BMPR2: variants seen among roughly 807,000 people sequenced by gnomAD.
The protein encoded by BMPR2 is bone morphogenetic protein receptor type-2.
Under a neutral mutation model 100.8 loss-of-function variants are expected in BMPR2, and 29 were observed. The observed-to-expected ratio is 0.29, with a 90% CI of 0.21 to 0.39. BMPR2 has a LOEUF of 0.39. Ranked by LOEUF, BMPR2 falls within the 10% of genes least tolerant of loss-of-function variation. The pLI is 1.00. For missense variants in BMPR2, 1,011 were observed against 1,274.5 expected (o/e 0.79, Z 3.15); for synonymous variants, 382 against 442.3 (o/e 0.86, Z 1.71).
chr2:202,529,793 A>T (rs1687984130), intron 7 of BMPR2, among the ~76,000 whole-genome samples: 1 of 152,176 alleles, frequency 6.6e-6, no homozygotes, highest in East Asian at 1.9e-4. Flanking sequence ...AATGAGCGTA[A>T]TACATCTGAA....
intron 1 of BMPR2, among the ~76,000 whole-genome samples, chr2:202,441,846 A>C (rs964017835): frequency 2.7e-5 from 4 of 150,234 alleles, no homozygotes; most frequent in South Asian, 2.1e-4. Flanking sequence ...CAGTCTGGCC[A>C]ACATGGTGAA....
At chr2:202,482,951 C>T (rs995747851) in intron 3 of BMPR2, among the ~76,000 whole-genome samples, 28 of 152,144 alleles carry the variant, frequency 1.8e-4, no homozygotes, top group African/African-American at 5.1e-4. Context: ...TCCCAAAGTG[C>T]GGCGTGAACC....
chr2:202,419,771 T>G (rs1340304708), intron 1 of BMPR2, among the ~76,000 whole-genome samples: 1 of 152,176 alleles, frequency 6.6e-6, no homozygotes, highest in Non-Finnish European at 1.5e-5. Flanking sequence ...GAAAACAGCG[T>G]CTTGTTGATT....
chr2:202,434,919 ATATATATATATATATATTTATTTATT>A (rs1022233357), intron 1 of BMPR2, among the ~76,000 whole-genome samples: 2 of 114,728 alleles, frequency 1.7e-5, no homozygotes, highest in African/African-American at 6.9e-5. Flanking sequence ...ATATATATAT[ATATATATATATATATATTTATTTATT>A]TATTTACGTC....
chr2:202,411,674 AT>A (rs1042342651), intron 1 of BMPR2, among the ~76,000 whole-genome samples: 16 of 152,128 alleles, frequency 1.1e-4, no homozygotes, highest in Non-Finnish European at 1.6e-4. Context: ...CTATACGTTT[AT>A]TTAACACGTC....
rs1180466902 is a variant in BMPR2, at chr2:202,376,712, C to G, written c.-763C>G. 6.6e-6 allele frequency among the ~76,000 whole-genome samples: 1 copy of G among 150,570 alleles called. No homozygotes were observed. The highest frequency in any genetic ancestry group is 2.2e-4 in the South Asian group (1 of 4,628). On this transcript the variant is annotated 5_prime_UTR_variant, in exon 1 of 13. Coordinates refer to ENST00000374580, the MANE Select transcript of BMPR2 (RefSeq NM_001204.7). ...CCGGGAGGACTAGAAGGGGCAGCCTCTCACACCCACTCCGCCTGCCGTCTC... is the reference window on the plus strand; with the variant it reads ...CCGGGAGGACTAGAAGGGGCAGCCTGTCACACCCACTCCGCCTGCCGTCTC...
At position 202,560,091 on chromosome 2, in the gene BMPR2, C is replaced by A; in HGVS notation, c.*145C>A. On this transcript the variant is annotated 3_prime_UTR_variant, in exon 13 of 13. Transcript: ENST00000374580. ...ACAAAGACTTGCTTTAAATAGATTTCAGCTATGCAGAAAAATTTAGCTTAT... is the reference window on the plus strand; with the variant it reads ...ACAAAGACTTGCTTTAAATAGATTTAAGCTATGCAGAAAAATTTAGCTTAT... 9.5e-7 allele frequency: 1 copy of A among 1,047,852 alleles called. No individual in the cohort carries two copies. The highest frequency in any genetic ancestry group is 1.4e-6 in the Non-Finnish European group (1 of 739,032). The allele number at this position is 1,047,852 out of a possible 1,614,324, so 64.9% of individuals were successfully genotyped here.
Position 202,560,138 on chromosome 2 carries a change from G to A in BMPR2, c.*192G>A. On this transcript the variant is annotated 3_prime_UTR_variant, in exon 13 of 13. Transcript: ENST00000374580. ...TTATGCTTCCATATTTTTAAATTTT[G>A]TTTTTTAAGTTTTGCACTTTTGTTT... 1.4e-6 allele frequency: 1 copy of A among 716,078 alleles called. No individual in the cohort carries two copies. The highest frequency in any genetic ancestry group is 2.2e-6 in the Non-Finnish European group (1 of 450,902). The allele number at this position is 716,078 out of a possible 1,614,324, so 44.4% of individuals were successfully genotyped here.
intron 3 of BMPR2, among the ~76,000 whole-genome samples, chr2:202,492,903 T>C (rs561230733): frequency 2.0e-5 from 3 of 152,218 alleles, no homozygotes; most frequent in Non-Finnish European, 2.9e-5. Flanking sequence ...TAAAATAACA[T>C]AAAATGAATT....
intron 3 of BMPR2, among the ~76,000 whole-genome samples, chr2:202,468,039 C>T (rs753296066): frequency 8.6e-5 from 13 of 151,462 alleles, no homozygotes; most frequent in Non-Finnish European, 1.3e-4. Context: ...AAGAGTGAAC[C>T]TAAAAGAAAA....
intron 7 of BMPR2, among the ~76,000 whole-genome samples, chr2:202,522,204 G>A (rs1687829738): frequency 6.6e-6 from 1 of 151,516 alleles, no homozygotes; most frequent in Non-Finnish European, 1.5e-5. Flanking sequence ...GACTTACAGG[G>A]ACCATTAAGA....
chr2:202,535,489 C>T (rs1267250784), intron 9 of BMPR2, among the ~76,000 whole-genome samples: 8 of 150,856 alleles, frequency 5.3e-5, no homozygotes, highest in Admixed American at 5.3e-4. Flanking sequence ...AGACGATGGG[C>T]GGCCGGGCAG....
chr2:202,410,604 G>T (rs980780702), intron 1 of BMPR2, among the ~76,000 whole-genome samples: 2 of 152,128 alleles, frequency 1.3e-5, no homozygotes, highest in Non-Finnish European at 2.9e-5. Context: ...ATCTGAGACA[G>T]TCTCTTGCTC....
At chr2:202,501,573 T>C (rs1053554669) in intron 3 of BMPR2, among the ~76,000 whole-genome samples, 2 of 152,138 alleles carry the variant, frequency 1.3e-5, no homozygotes, top group South Asian at 2.1e-4. Context: ...AGTAAGGAAA[T>C]TGATGTAGTA....
At chr2:202,380,123 C>T (rs951913502) in intron 1 of BMPR2, among the ~76,000 whole-genome samples, 3 of 151,982 alleles carry the variant, frequency 2.0e-5, no homozygotes, top group African/African-American at 4.8e-5. Context: ...GCCTCGGCCT[C>T]CCAAAGTGCT....
chr2:202,462,233 T>A (rs951004421), intron 1 of BMPR2, among the ~76,000 whole-genome samples: 2 of 151,208 alleles, frequency 1.3e-5, no homozygotes, highest in Non-Finnish European at 3.0e-5. Context: ...ACCACTATTT[T>A]TTTTTTTTTT....
chr2:202,471,627 G>A (rs7568383), intron 3 of BMPR2, among the ~76,000 whole-genome samples: 1 of 152,058 alleles, frequency 6.6e-6, no homozygotes, highest in Non-Finnish European at 1.5e-5. Flanking sequence ...AAGGGGGATC[G>A]CATTTTTCAA....
chr2:202,519,155 A>G, intron 6 of BMPR2, 103 bp downstream of exon 6: 1 of 1,206,232 alleles, frequency 8.3e-7, no homozygotes, highest in Non-Finnish European at 1.2e-6. Flanking sequence ...TGAGGCCAAG[A>G]GTTCAGGACC....
rs1323104851 is a variant in BMPR2 at position 202,560,650 on chromosome 2, G to GA, written c.*707dup. The GA allele has an allele frequency of 6.6e-6, 1 of 152,570 alleles. No homozygotes were observed. The highest frequency in any genetic ancestry group is 2.4e-5 in the African/African-American group (1 of 41,438). The allele number at this position is 152,570 out of a possible 1,614,324, so 9.5% of individuals were successfully genotyped here. On this transcript the variant is annotated 3_prime_UTR_variant, in exon 13 of 13. Coordinates refer to ENST00000374580, the MANE Select transcript of BMPR2 (RefSeq NM_001204.7). ...CTCTCTCCTTATCATGGAGAATACA[G>GA]AAACATTGTCTGAAAGGGCTCTAAA...
Sources: gnomAD v4.1 joint callset for allele counts (sites outside exome capture counted in the v4.1 genomes callset) on GRCh38, gnomAD v4.1.1 for gene constraint, MANE v1.5 for transcripts, NCBI Gene and HGNC (gene_info 2026-07-23, HGNC 2026-07-21) for gene names.